Variants in PBX1 observed in about 807,000 individuals in gnomAD.
PBX1 encodes pre-B-cell leukemia transcription factor 1.
A neutral mutation model predicts 53.4 loss-of-function variants in PBX1; 6 were observed. That is an observed-to-expected ratio of 0.11 (90% CI 0.06 to 0.22). The LOEUF (loss-of-function observed/expected upper bound fraction) is 0.22, where lower values mean the gene tolerates loss of function less well. Ranked by LOEUF, PBX1 falls within the 10% of genes least tolerant of loss-of-function variation. The pLI, the probability that PBX1 is intolerant of heterozygous loss-of-function variation, is 1.00. For missense variants in PBX1, 251 were observed against 551.4 expected (o/e 0.46, Z 5.46); for synonymous variants, 204 against 212.3 (o/e 0.96, Z 0.34).
chr1:164,801,449 T>C (rs1304297733), intron 4 of PBX1, among the ~76,000 whole-genome samples: 3 of 142,002 alleles, frequency 2.1e-5, no homozygotes, highest in African/African-American at 8.5e-5. Flanking sequence ...TGGCAGATAT[T>C]GAAAAAAAAA....
chr1:164,575,970 G>A (rs1654203197), intron 2 of PBX1, among the ~76,000 whole-genome samples: 1 of 152,034 alleles, frequency 6.6e-6, no homozygotes, highest in East Asian at 1.9e-4. Context: ...GCTTCATCCG[G>A]AGGCCAATTA....
intron 2 of PBX1, among the ~76,000 whole-genome samples, chr1:164,640,136 C>G (rs1659030693): frequency 6.6e-6 from 1 of 152,154 alleles, no homozygotes. Context: ...GAATGTTCCC[C>G]AAACAGATCG....
intron 2 of PBX1, among the ~76,000 whole-genome samples, chr1:164,874,491 T>C (rs1189912782): frequency 6.6e-6 from 1 of 152,206 alleles, no homozygotes; most frequent in Non-Finnish European, 1.5e-5. Flanking sequence ...GTTTGTTTCT[T>C]TCTTTCTTTT....
At chr1:164,641,849 G>A (rs1488799773) in intron 2 of PBX1, 1 of 152,170 alleles carries the variant, frequency 6.6e-6, no homozygotes, top group African/African-American at 2.4e-5. Flanking sequence ...TTTGCATGCT[G>A]AGGATGATTT....
chr1:164,710,268 G>A (rs1236131242), intron 2 of PBX1, among the ~76,000 whole-genome samples: 7 of 152,048 alleles, frequency 4.6e-5, no homozygotes, highest in South Asian at 4.2e-4. Context: ...TTCATATACC[G>A]TTTTTCCATT....
intron 2 of PBX1, among the ~76,000 whole-genome samples, chr1:164,665,700 A>T (rs1443188393): frequency 6.6e-6 from 1 of 152,188 alleles, no homozygotes; most frequent in East Asian, 1.9e-4. Context: ...TCTCCACTGG[A>T]AACACCTCTA....
At position 164,569,026 on chromosome 1, in the gene PBX1, G is replaced by A. The variant is rs141014095; in HGVS notation, c.265+5715G>A. Reference sequence around the variant, plus strand: ...TTCATCCTTTTTGGTTTAGGTTGTAGTTTCAACTGCATCTTCTACTGAAAC... The same window carrying A: ...TTCATCCTTTTTGGTTTAGGTTGTAATTTCAACTGCATCTTCTACTGAAAC... On this transcript the variant is annotated intron_variant, in intron 2 of 8. Coordinates refer to ENST00000420696, the MANE Select transcript of PBX1 (RefSeq NM_002585.4). 2.2e-3 allele frequency among the ~76,000 whole-genome samples: 330 copies of A among 152,304 alleles called. 1 individual carries two copies. Among genetic ancestry groups the A allele is most frequent in the African/African-American group, 7.3e-3 (305 of 41,556 alleles).
At chr1:164,860,011 G>C (rs942071161) in intron 2 of PBX1, among the ~76,000 whole-genome samples, 1 of 152,162 alleles carries the variant, frequency 6.6e-6, no homozygotes, top group Non-Finnish European at 1.5e-5. Flanking sequence ...GGATGACTTG[G>C]AGTAGCTAAT....
chr1:164,760,667 G>T (rs1666764047), intron 2 of PBX1, among the ~76,000 whole-genome samples: 1 of 152,104 alleles, frequency 6.6e-6, no homozygotes, highest in Non-Finnish European at 1.5e-5. Flanking sequence ...ATGTGAGGTG[G>T]CCTAGAGTAA....
At chr1:164,724,247 A>G (rs1237496266) in intron 2 of PBX1, among the ~76,000 whole-genome samples, 1 of 152,204 alleles carries the variant, frequency 6.6e-6, no homozygotes, top group Non-Finnish European at 1.5e-5. Context: ...CCAAACATTC[A>G]GGAACTCTAC....
At chr1:164,571,901 ATATATATAT>A (rs1467297367) in intron 2 of PBX1, among the ~76,000 whole-genome samples, 1 of 117,730 alleles carries the variant, frequency 8.5e-6, no homozygotes, top group East Asian at 4.3e-4. Flanking sequence ...ATATATATAT[ATATATATAT>A]ATATATGCTT....
intron 2 of PBX1, chr1:164,703,233 C>T (rs999014789): frequency 6.6e-6 from 1 of 152,112 alleles, no homozygotes; most frequent in Non-Finnish European, 1.5e-5. Context: ...GCACTACAGC[C>T]CAGAATTCTT....
At chr1:164,630,377 C>A (rs1253634945) in intron 2 of PBX1, among the ~76,000 whole-genome samples, 3 of 152,140 alleles carry the variant, frequency 2.0e-5, no homozygotes, top group Non-Finnish European at 2.9e-5. Flanking sequence ...TTCACTTGGT[C>A]TTTCCAACTT....
At chr1:164,737,698 C>T (rs1339286265) in intron 2 of PBX1, among the ~76,000 whole-genome samples, 2 of 152,074 alleles carry the variant, frequency 1.3e-5, no homozygotes, top group East Asian at 1.9e-4. Context: ...AGGCTGATCT[C>T]GAACTCCCGG....
chr1:164,561,049 G>A (rs761019646), intron 1 of PBX1, among the ~76,000 whole-genome samples: 1 of 152,096 alleles, frequency 6.6e-6, no homozygotes, highest in African/African-American at 2.4e-5. Context: ...GTGACAACCC[G>A]CTAACAGCTT....
At chr1:164,583,040 A>G (rs1161367114) in intron 2 of PBX1, among the ~76,000 whole-genome samples, 1 of 152,144 alleles carries the variant, frequency 6.6e-6, no homozygotes, top group Admixed American at 6.5e-5. Context: ...AGTACTTGCT[A>G]CTCTTTACTC....
rs137972849 is a variant in PBX1, at chr1:164,803,887, G to A, written c.702-3655G>A. Among the ~76,000 whole-genome samples, 192 of 152,274 alleles carry A rather than the reference G, an allele frequency of 1.3e-3. 6 individuals carry two copies. In the South Asian group the frequency reaches 0.029, roughly 23 times the overall value. The stretch of plus-strand genomic sequence containing the variant: ...CTGGATAAGTGGCTTATTTTCCCAA[G>A]ACTCAGTTTTCTTACCTGTAAAACA... On this transcript the variant is annotated intron_variant, in intron 4 of 8. Transcript: ENST00000420696.
At chr1:164,662,027 A>G (rs917883922) in intron 2 of PBX1, among the ~76,000 whole-genome samples, 1 of 152,138 alleles carries the variant, frequency 6.6e-6, no homozygotes, top group Admixed American at 6.5e-5. Flanking sequence ...CCTCCTTTAA[A>G]TACCTCTTTA....
chr1:164,789,806 T>C (rs1053573641), intron 2 of PBX1, among the ~76,000 whole-genome samples: 4 of 152,190 alleles, frequency 2.6e-5, no homozygotes, highest in Admixed American at 6.5e-5. Context: ...TCGTGGGGAA[T>C]GTTCCTGCCA....
Sources: gnomAD v4.1 joint callset for allele counts (sites outside exome capture counted in the v4.1 genomes callset) on GRCh38, gnomAD v4.1.1 for gene constraint, MANE v1.5 for transcripts, NCBI Gene and HGNC (gene_info 2026-07-23, HGNC 2026-07-21) for gene names.